Variants in ABCB9 observed in about 807,000 individuals in gnomAD.
ABCB9 encodes the protein ABC-type oligopeptide transporter ABCB9.
Under a neutral mutation model 62.0 loss-of-function variants are expected in ABCB9, and 36 were observed. The observed-to-expected ratio is 0.58, with a 90% CI of 0.45 to 0.77. The LOEUF (loss-of-function observed/expected upper bound fraction) is 0.77. ABCB9 is among the 30% of genes least tolerant of loss of function. The probability of loss-of-function intolerance (pLI) is 0.00; values close to 1 mark genes in which losing one functional copy is unlikely to be tolerated. For missense variants in ABCB9, 943 were observed against 1,054.7 expected, an observed-to-expected ratio of 0.89 and a Z score of 1.47; for synonymous variants, 435 against 461.4, an observed-to-expected ratio of 0.94 and a Z score of 0.73.
chr12:122,967,475 C>G (rs369558752), upstream of ABCB9, among the ~76,000 whole-genome samples: 63 of 152,250 alleles, frequency 4.1e-4, no homozygotes, highest in East Asian at 3.9e-3. Context: ...GCTAGAACTG[C>G]CCACATCCCT....
In ABCB9 at chr12:122,932,206, C is replaced by T. The variant is rs1343501513; in HGVS notation, c.2026G>A (p.Glu676Lys). The T allele has an allele frequency of 5.8e-6, 9 of 1,552,698 alleles. No homozygotes were observed. The highest frequency in any genetic ancestry group is 3.9e-5 in the Admixed American group (2 of 51,170). ...CTGTGACTCACCAGATACTCGCTCT[C>T]GGCATCCAAAGCGCTGGTGGCTTCA... is the stretch of plus-strand genomic sequence containing the variant. ...LDEATSALDA[E>K]SEYLIQQAIH... Residue 676 changes from glutamate (E) to lysine (K), a missense_variant, in exon 11 of 12, where the codon GAG (glutamate) becomes AAG (lysine). Physicochemically the swap from Glu to Lys is moderately conservative, Grantham distance 56. Coordinates refer to ENST00000280560, the MANE Select transcript of ABCB9 (RefSeq NM_019625.4). This position sits in a 1 kb window ranked among gnomAD's most constrained non-coding sequence, Gnocchi z 4.7.
In ABCB9 at chr12:122,929,597, A is replaced by T. The variant is rs2135747411; in HGVS notation, c.*314T>A. 8.5e-7 allele frequency: 1 copy of T among 1,176,292 alleles called. No homozygotes were observed. Among genetic ancestry groups the T allele is most frequent in the Non-Finnish European group, 1.0e-6 (1 of 952,710 alleles). 72.9% of individuals were successfully genotyped at this position (1,176,292 alleles called of 1,614,324 possible). A position where few individuals can be genotyped will look rare whatever the true frequency, so the allele number is the denominator to read the frequency against. ...TAGAAAAAGGTTTTTGAAATCTAGG[A>T]GTTGACTGGGGTGCCTCAAACCAAA... On this transcript the variant is annotated 3_prime_UTR_variant, in exon 12 of 12. Coordinates refer to ENST00000280560, the MANE Select transcript of ABCB9 (RefSeq NM_019625.4). The surrounding 1 kb of genome is among the most constrained non-coding windows in gnomAD (Gnocchi z 6.0).
intron 3 of ABCB9, 130 bp from the exon 4 acceptor site, chr12:122,950,048 G>T: frequency 7.8e-7 from 1 of 1,288,080 alleles, no homozygotes; most frequent in Non-Finnish European, 1.1e-6. Context: ...GCATCCCTGC[G>T]GGGTCCCCCT....
In ABCB9 at chr12:122,932,893, AATT is replaced by A. The variant is rs1038888161; in HGVS notation, c.1904-568_1904-566del. On this transcript the variant is annotated intron_variant, in intron 10 of 11. Transcript: ENST00000280560. This position sits in a 1 kb window ranked among gnomAD's most constrained non-coding sequence, Gnocchi z 4.7. ...CCATCAATAGGAAATTGAGTCAATCAATTATTATTATTTTAGAGACAGGGTCTC... is the reference window on the plus strand; with the variant it reads ...CCATCAATAGGAAATTGAGTCAATCAATTATTATTTTAGAGACAGGGTCTC... Among the ~76,000 whole-genome samples the A allele has an allele frequency of 1.3e-5, 2 of 152,170 alleles. No individual in the cohort carries two copies. Among genetic ancestry groups the A allele is most frequent in the African/African-American group, 4.8e-5 (2 of 41,434 alleles).
At chr12:122,958,731 A>G (rs1043455892) in intron 2 of ABCB9, among the ~76,000 whole-genome samples, 10 of 151,872 alleles carry the variant, frequency 6.6e-5, no homozygotes, top group African/African-American at 2.4e-4. Flanking sequence ...AGTCCCAGCT[A>G]TTTGGAAGAC....
At chr12:122,950,788 G>A (rs2036325105) in intron 2 of ABCB9, 1 of 501,626 alleles carries the variant, frequency 2.0e-6, no homozygotes, top group East Asian at 3.1e-5. Flanking sequence ...ACAGCCTGCT[G>A]GTTCTTCTTT....
chr12:122,951,548 G>A lies in ABCB9; in HGVS notation c.602-983C>T, dbSNP rs1594045634. 5 of 152,218 alleles carry A rather than the reference G, an allele frequency of 3.3e-5. No homozygotes were observed. In the South Asian group the frequency reaches 1.0e-3, roughly 32 times the overall value. The allele number at this position is 152,218 out of a possible 1,614,324, so 9.4% of individuals were successfully genotyped here. A position where few individuals can be genotyped will look rare whatever the true frequency, so the allele number is the denominator to read the frequency against. ...GGCTGAAAGTGAAGTTGAATGAGAT[G>A]ACTCGTCCAGGCCACATGGCAATCA... On this transcript the variant is annotated intron_variant, in intron 2 of 11. Coordinates refer to ENST00000280560, the MANE Select transcript of ABCB9 (RefSeq NM_019625.4).
At chr12:122,946,371 T>C in intron 5 of ABCB9, 149 bp from the exon 6 acceptor site, 1 of 737,922 alleles carries the variant, frequency 1.4e-6, no homozygotes, top group Admixed American at 2.5e-5. Context: ...GATCTAGCCC[T>C]TTCTCCCCCA....
chr12:122,929,484 T>C lies in ABCB9; in HGVS notation c.*427A>G, dbSNP rs1167456804. ...AGGGGAGAGGCCTAGTCTCTGGACA[T>C]CCCCCAGGCTACTAAGGAAGGGCCA... On this transcript the variant is annotated 3_prime_UTR_variant, in exon 12 of 12. Transcript: ENST00000280560. This position sits in a 1 kb window ranked among gnomAD's most constrained non-coding sequence, Gnocchi z 6.0. 3.0e-6 allele frequency: 3 copies of C among 993,018 alleles called. No individual in the cohort carries two copies. Among genetic ancestry groups the C allele is most frequent in the Non-Finnish European group, 3.6e-6 (3 of 835,166 alleles). 61.5% of individuals were successfully genotyped at this position (993,018 alleles called of 1,614,324 possible).
At chr12:122,960,354 G>C in intron 1 of ABCB9, 32 bp from the exon 2 acceptor site, 1 of 1,399,104 alleles carries the variant, frequency 7.1e-7, no homozygotes, top group South Asian at 1.5e-5. Context: ...TCAGCACAAG[G>C]GGTTCAGGTT....
At chr12:122,949,950 T>C (rs2036267449) in intron 3 of ABCB9, 32 bp from the exon 4 acceptor site, 3 of 1,613,224 alleles carry the variant, frequency 1.9e-6, no homozygotes, top group African/African-American at 1.3e-5. Context: ...TATAGCACGA[T>C]GTCCTTCCAG....
At chr12:122,971,264 G>A (rs2037267225), upstream of ABCB9, among the ~76,000 whole-genome samples, 1 of 151,556 alleles carries the variant, frequency 6.6e-6, no homozygotes, top group Non-Finnish European at 1.5e-5. Context: ...GCACACCCCT[G>A]TAATCCCAGC....
intron 7 of ABCB9, among the ~76,000 whole-genome samples, chr12:122,942,120 G>T (rs972865046): frequency 6.6e-6 from 1 of 152,082 alleles, no homozygotes; most frequent in Non-Finnish European, 1.5e-5. Context: ...AAGTAACTTG[G>T]CCCAGGTCAC....
chr12:122,955,498 G>A (rs555672338), intron 2 of ABCB9, among the ~76,000 whole-genome samples: 1 of 152,318 alleles, frequency 6.6e-6, no homozygotes, highest in East Asian at 1.9e-4. Context: ...TCCAGGGTGA[G>A]TCAGACCTGG....
chr12:122,924,880 A>C (rs1300474396), downstream of ABCB9: 4 of 1,485,376 alleles, frequency 2.7e-6, no homozygotes, highest in Non-Finnish European at 3.6e-6. Flanking sequence ...CAGCTTTAAA[A>C]GTCATAACTC....
intron 6 of ABCB9, among the ~76,000 whole-genome samples, chr12:122,945,158 C>G: frequency 6.6e-6 from 1 of 152,210 alleles, no homozygotes; most frequent in East Asian, 1.9e-4. Flanking sequence ...GCTAGCTGAG[C>G]TGGACCTTAG....
Position 122,947,203 on chromosome 12 carries a change from C to T in ABCB9, c.1054-981G>A, listed in dbSNP as rs924516974. Among the ~76,000 whole-genome samples the T allele has an allele frequency of 1.3e-4, 20 of 152,188 alleles. No individual in the cohort carries two copies. Among genetic ancestry groups the T allele is most frequent in the Non-Finnish European group, 2.2e-4 (15 of 68,032 alleles). On this transcript the variant is annotated intron_variant, in intron 5 of 11. Coordinates refer to ENST00000280560, the MANE Select transcript of ABCB9 (RefSeq NM_019625.4). This position sits in a 1 kb window ranked among gnomAD's most constrained non-coding sequence, Gnocchi z 6.0. ...GGAGCTCCAGGGTTTCTTGCTCCAT[C>T]CCAGGGGCTGGTGGGAAGGCCGGAA...
chr12:122,926,563 A>G (rs987464234), downstream of ABCB9, among the ~76,000 whole-genome samples: 1 of 151,690 alleles, frequency 6.6e-6, no homozygotes, highest in Non-Finnish European at 1.5e-5. Context: ...TAAAACAAAA[A>G]ACCCTGCCAA....
In ABCB9 at chr12:122,933,594, G is replaced by A. The variant is rs573716228; in HGVS notation, c.1904-1266C>T. On this transcript the variant is annotated intron_variant, in intron 10 of 11. Coordinates refer to ENST00000280560, the MANE Select transcript of ABCB9 (RefSeq NM_019625.4). Reference sequence around the variant, plus strand: ...AGTGAATAATCCAGTGGCATTTAGTGCATTCACAATGTTGCACAACCACCA... The same window carrying A: ...AGTGAATAATCCAGTGGCATTTAGTACATTCACAATGTTGCACAACCACCA... Among the ~76,000 whole-genome samples the A allele has an allele frequency of 1.4e-4, 21 of 151,406 alleles. 1 individual carries two copies. The South Asian group carries it at 3.6e-3, about 26-fold the overall frequency.
Sources: allele counts gnomAD v4.1 joint callset (sites outside exome capture counted in the v4.1 genomes callset), GRCh38; gene constraint gnomAD v4.1.1; non-coding constraint Gnocchi (gnomAD v3.1); transcripts MANE v1.5; gene names NCBI Gene and HGNC (gene_info 2026-07-23, HGNC 2026-07-21).